The following VPS13C variants were observed in gnomAD, a reference collection of about 807,000 sequenced individuals.
VPS13C encodes the protein vacuolar protein sorting 13 homolog C.
VPS13C carries 358 observed loss-of-function variants against 456.8 expected under a neutral mutation model. The observed-to-expected ratio is 0.78, with a 90% CI of 0.72 to 0.86. The LOEUF (loss-of-function observed/expected upper bound fraction) is 0.86. Ranked by LOEUF, VPS13C falls within the 40% of genes least tolerant of loss-of-function variation. The probability of loss-of-function intolerance (pLI) is 0.00; values close to 1 mark genes in which losing one functional copy is unlikely to be tolerated. For missense variants in VPS13C, 4,818 were observed against 4,385.4 expected (o/e 1.10, Z -2.79); for synonymous variants, 1,578 against 1,486.7 (o/e 1.06, Z -1.41).
intron 13 of VPS13C, among the ~76,000 whole-genome samples, chr15:62,009,228 T>C (rs564192584): frequency 5.9e-5 from 9 of 152,304 alleles, no homozygotes; most frequent in African/African-American, 1.9e-4. Flanking sequence ...CAAAAAATTA[T>C]TGCATAACCA....
chr15:61,873,193 A>G, intron 78 of VPS13C, 53 bp downstream of exon 78: 1 of 1,608,034 alleles, frequency 6.2e-7, no homozygotes, highest in Non-Finnish European at 8.5e-7. Context: ...AACCAGCTAG[A>G]ATACACTTTT....
intron 45 of VPS13C, among the ~76,000 whole-genome samples, chr15:61,944,317 C>G (rs1284078316): frequency 1.3e-5 from 2 of 151,992 alleles, no homozygotes; most frequent in East Asian, 3.9e-4. Context: ...ATGGTTCTAC[C>G]AAAAAGACAC....
In VPS13C at chr15:62,028,423, G is replaced by C; in HGVS notation, c.386-3C>G. 6.2e-7 allele frequency: 1 copy of C among 1,612,740 alleles called. No individual in the cohort carries two copies. Among genetic ancestry groups the C allele is most frequent in the African/African-American group, 1.3e-5 (1 of 74,910 alleles). On this transcript the variant is annotated splice_region_variant and splice_polypyrimidine_tract_variant and intron_variant, in intron 5 of 84. Transcript: ENST00000644861. ...TATGAACTCCCCTGAATGTGTGCCT[G>C]CATCCCACATGGCAGCAATAACCAA...
At chr15:61,978,513 A>G (rs564418355) in intron 23 of VPS13C, 113 bp downstream of exon 23, 2 of 1,273,658 alleles carry the variant, frequency 1.6e-6, no homozygotes, top group East Asian at 5.1e-5. Flanking sequence ...AGCCAAAAGA[A>G]TATGTGTGCA....
chr15:61,863,472 T>C lies in VPS13C; in HGVS notation c.10920A>G (p.Gly3640=). ...ETYRYHCAIP[G]SKKTILMVTN... is the part of the protein sequence containing the mutation. ...TAACCATAAGGATTGTCTTCTTGCT[T>C]CCAGGAATAGCACAGTGGTATCGGT... The change falls in exon 82 of 85, where the codon GGA becomes GGG. Residue 3640 remains glycine, a synonymous_variant. Coordinates refer to ENST00000644861, the MANE Select transcript of VPS13C (RefSeq NM_020821.3). 1 of 1,612,960 alleles carries C rather than the reference T, an allele frequency of 6.2e-7. No individual in the cohort carries two copies. Among genetic ancestry groups the C allele is most frequent in the Non-Finnish European group, 8.5e-7 (1 of 1,179,288 alleles).
intron 16 of VPS13C, among the ~76,000 whole-genome samples, chr15:61,997,189 G>C (rs1450999362): frequency 6.6e-6 from 1 of 152,124 alleles, no homozygotes; most frequent in Admixed American, 6.5e-5. Flanking sequence ...ATCTGTCACA[G>C]TTGATCACTT....
chr15:62,005,507 G>C (rs1199229218), intron 15 of VPS13C, among the ~76,000 whole-genome samples: 3 of 151,688 alleles, frequency 2.0e-5, no homozygotes, highest in South Asian at 2.1e-4. Flanking sequence ...GGAGCATTTA[G>C]TCCATTTACA....
intron 9 of VPS13C, among the ~76,000 whole-genome samples, chr15:62,018,923 T>G (rs918006443): frequency 1.3e-5 from 2 of 152,098 alleles, no homozygotes; most frequent in African/African-American, 2.4e-5. Context: ...GTCCTGGACT[T>G]TTTTTGGTTG....
At chr15:61,916,457 A>G (rs1250609750) in intron 60 of VPS13C, among the ~76,000 whole-genome samples, 2 of 152,208 alleles carry the variant, frequency 1.3e-5, no homozygotes, top group African/African-American at 4.8e-5. Context: ...GTCAGAGTAA[A>G]AAGTTACTCT....
At chr15:61,913,247 C>T in intron 62 of VPS13C, 64 bp downstream of exon 62, 9 of 1,444,894 alleles carry the variant, frequency 6.2e-6, no homozygotes, top group African/African-American at 1.4e-5. Flanking sequence ...TTTATTCCAA[C>T]TTGTTTGTTG....
chr15:61,930,062 C>T (rs1038422157), intron 50 of VPS13C, among the ~76,000 whole-genome samples: 1 of 151,918 alleles, frequency 6.6e-6, no homozygotes, highest in East Asian at 1.9e-4. Flanking sequence ...CAATAATGGC[C>T]GGAAAGGAAT....
chr15:61,877,207 A>G, intron 74 of VPS13C, 153 bp from the exon 75 acceptor site: 2 of 495,556 alleles, frequency 4.0e-6, no homozygotes. Context: ...TTGTCTTAAT[A>G]ATGGTTACTA....
chr15:61,988,932 T>C (rs1374605114), intron 18 of VPS13C, among the ~76,000 whole-genome samples: 2 of 151,984 alleles, frequency 1.3e-5, no homozygotes, highest in Non-Finnish European at 1.5e-5. Context: ...TCTAAATACA[T>C]AAAGTAAGAC....
In VPS13C at chr15:61,932,902, T is replaced by C. The variant is rs79532329; in HGVS notation, c.5868+1317A>G. On this transcript the variant is annotated intron_variant, in intron 49 of 84. Coordinates refer to ENST00000644861, the MANE Select transcript of VPS13C (RefSeq NM_020821.3). The stretch of plus-strand genomic sequence containing the variant: ...GACAATTTGGAGCCACTGAATTTCT[T>C]TCCATAATATGAAATTCAGATTATA... 3.6e-3 allele frequency among the ~76,000 whole-genome samples: 550 copies of C among 152,336 alleles called. 5 individuals carry two copies. The highest frequency in any genetic ancestry group is 0.013 in the African/African-American group (527 of 41,582).
chr15:61,996,303 C>G (rs2046385269), intron 16 of VPS13C, among the ~76,000 whole-genome samples: 1 of 152,136 alleles, frequency 6.6e-6, no homozygotes, highest in African/African-American at 2.4e-5. Context: ...AAGAGCTGAA[C>G]TGAAATCTGA....
At chr15:61,925,327 T>C (rs1379687292) in intron 53 of VPS13C, 129 bp downstream of exon 53, 1 of 446,702 alleles carries the variant, frequency 2.2e-6, no homozygotes, top group Admixed American at 4.3e-5. Flanking sequence ...AAGTTACTGA[T>C]TACTGAATAT....
intron 6 of VPS13C, among the ~76,000 whole-genome samples, chr15:62,027,847 C>T (rs890145722): frequency 1.3e-5 from 2 of 151,950 alleles, no homozygotes; most frequent in African/African-American, 4.8e-5. Context: ...TTTCAATATG[C>T]TGTACAGGAC....
At chr15:61,956,954 C>G (rs926080508) in intron 37 of VPS13C, among the ~76,000 whole-genome samples, 1 of 151,880 alleles carries the variant, frequency 6.6e-6, no homozygotes, top group Non-Finnish European at 1.5e-5. Context: ...CTACTCCTAC[C>G]TATGTATCCA....
chr15:61,922,913 G>T, intron 53 of VPS13C, 151 bp from the exon 54 acceptor site: 1 of 686,780 alleles, frequency 1.5e-6, no homozygotes, highest in Non-Finnish European at 2.0e-6. Flanking sequence ...TTTAAATTTT[G>T]AATAAATTCG....
Sources: gnomAD v4.1 joint callset for allele counts (sites outside exome capture counted in the v4.1 genomes callset) on GRCh38, gnomAD v4.1.1 for gene constraint, MANE v1.5 for transcripts, NCBI Gene and HGNC (gene_info 2026-07-23, HGNC 2026-07-21) for gene names.